PDE8B: variants seen among roughly 807,000 people sequenced by gnomAD.
PDE8B encodes the protein high affinity cAMP-specific and IBMX-insensitive 3',5'-cyclic phosphodiesterase 8B.
Under a neutral mutation model 101.3 loss-of-function variants are expected in PDE8B, and 26 were observed. That is an observed-to-expected ratio of 0.26 (90% CI 0.19 to 0.36). PDE8B has a LOEUF of 0.36. Among genes scored for constraint, PDE8B ranks in the 10% least tolerant of loss-of-function variants. The pLI is 1.00. For missense variants in PDE8B, 810 were observed against 1,163.1 expected (o/e 0.70, Z 4.42); for synonymous variants, 424 against 429.3 (o/e 0.99, Z 0.15).
chr5:77,403,058 A>G (rs1236148954), intron 11 of PDE8B, among the ~76,000 whole-genome samples: 4 of 152,196 alleles, frequency 2.6e-5, no homozygotes, highest in Non-Finnish European at 4.4e-5. Context: ...TGTTATGGTT[A>G]AATTTCTCTA....
intron 1 of PDE8B, among the ~76,000 whole-genome samples, chr5:77,214,747 A>G (rs1005359593): frequency 7.2e-5 from 11 of 152,186 alleles, no homozygotes; most frequent in Admixed American, 1.3e-4. Context: ...GTCAAACTTT[A>G]CGCAAGAATC....
At chr5:77,315,008 A>AT (rs774937257) in intron 2 of PDE8B, among the ~76,000 whole-genome samples, 13 of 151,986 alleles carry the variant, frequency 8.6e-5, no homozygotes, top group East Asian at 3.9e-4. Flanking sequence ...TCTTCTCCTC[A>AT]TTTTTTAATT....
chr5:77,104,666 A>G, the PDE8B span: 1 of 152,156 alleles, frequency 6.6e-6, no homozygotes, highest in Non-Finnish European at 1.5e-5. Flanking sequence ...ATAAATTTCT[A>G]TTGTTTATAA....
rs759403083 is a variant in PDE8B, at chr5:77,257,641, C to T, written c.339+46377C>T. Among the ~76,000 whole-genome samples, 9 of 152,132 alleles carry T rather than the reference C, an allele frequency of 5.9e-5. No homozygotes were observed. In the East Asian group the frequency reaches 1.5e-3, roughly 26 times the overall value. On this transcript the variant is annotated intron_variant, in intron 1 of 21. Coordinates refer to ENST00000264917, the MANE Select transcript of PDE8B (RefSeq NM_003719.5). ...ACATTTATAGCCAGAGTTCTCAACA[C>T]CCTTTTCTTTTTTAAAAAATTTAAT...
chr5:77,414,710 G>A (rs1213206917), intron 17 of PDE8B, among the ~76,000 whole-genome samples: 2 of 151,870 alleles, frequency 1.3e-5, no homozygotes, highest in Admixed American at 6.6e-5. Context: ...GATTACAGGT[G>A]TGAGCCACTG....
the PDE8B span, among the ~76,000 whole-genome samples, chr5:77,205,318 G>A: frequency 6.6e-6 from 1 of 152,190 alleles, no homozygotes; most frequent in South Asian, 2.1e-4. Context: ...AAGAAGTGAT[G>A]CACCTATAGT....
At chr5:77,416,237 T>G (rs1051384393) in intron 17 of PDE8B, among the ~76,000 whole-genome samples, 1 of 152,210 alleles carries the variant, frequency 6.6e-6, no homozygotes, top group Non-Finnish European at 1.5e-5. Flanking sequence ...TTTCATCTAG[T>G]GCTATTTATG....
intron 10 of PDE8B, among the ~76,000 whole-genome samples, chr5:77,390,794 A>T (rs1789752983): frequency 6.6e-6 from 1 of 152,242 alleles, no homozygotes; most frequent in Non-Finnish European, 1.5e-5. Context: ...TGTAAACAGC[A>T]GCTTGACAGA....
chr5:77,424,469 G>C (rs991360779), intron 20 of PDE8B, among the ~76,000 whole-genome samples: 1 of 152,186 alleles, frequency 6.6e-6, no homozygotes, highest in African/African-American at 2.4e-5. Flanking sequence ...AATGAATGAT[G>C]ATGGCCTTAG....
At chr5:77,423,226 G>A (rs335642) in intron 20 of PDE8B, among the ~76,000 whole-genome samples, 40,606 of 152,094 alleles carry the variant, frequency 0.27, 6,122 homozygotes, top group Non-Finnish European at 0.35. Flanking sequence ...ATTCCATGGT[G>A]TATATGCACC....
chr5:77,364,303 C>A lies in PDE8B; in HGVS notation c.1167+10897C>A, dbSNP rs182438572. Among the ~76,000 whole-genome samples the A allele has an allele frequency of 1.2e-3, 184 of 152,284 alleles. 1 individual carries two copies. Among genetic ancestry groups the A allele is most frequent in the Non-Finnish European group, 2.4e-4 (16 of 68,026 alleles). On this transcript the variant is annotated intron_variant, in intron 10 of 21. Transcript: ENST00000264917. ...TGCACCTAAAACCCAGCCATTGTAC[C>A]ACCTGCTTCTTTGTCTATAGGACCC...
At chr5:77,338,432 A>G (rs1355782601) in intron 6 of PDE8B, among the ~76,000 whole-genome samples, 1 of 152,192 alleles carries the variant, frequency 6.6e-6, no homozygotes, top group Non-Finnish European at 1.5e-5. Flanking sequence ...TTAGGTAGAA[A>G]AGTATTAAAA....
At chr5:77,234,919 A>G (rs1754359989) in intron 1 of PDE8B, among the ~76,000 whole-genome samples, 2 of 152,322 alleles carry the variant, frequency 1.3e-5, no homozygotes, top group African/African-American at 2.4e-5. Context: ...GAGAGCATGC[A>G]CGCAAAGTGC....
chr5:77,345,172 A>C (rs1779923235), intron 7 of PDE8B, among the ~76,000 whole-genome samples: 1 of 152,160 alleles, frequency 6.6e-6, no homozygotes. Context: ...GGGTTTAAAA[A>C]AATTTTATTT....
chr5:77,263,109 T>C (rs1228964327), intron 1 of PDE8B, among the ~76,000 whole-genome samples: 1 of 152,000 alleles, frequency 6.6e-6, no homozygotes, highest in Non-Finnish European at 1.5e-5. Context: ...TTCACCAAAA[T>C]AGAAGGAAGA....
At chr5:77,396,173 A>G (rs1791017097) in intron 10 of PDE8B, among the ~76,000 whole-genome samples, 1 of 152,230 alleles carries the variant, frequency 6.6e-6, no homozygotes, top group South Asian at 2.1e-4. Flanking sequence ...AAAAGGGAAC[A>G]ATTCCTTCAC....
chr5:77,204,482 G>C, the PDE8B span, among the ~76,000 whole-genome samples: 237 of 151,950 alleles, frequency 1.6e-3, no homozygotes, highest in Non-Finnish European at 2.9e-3. Context: ...CAATGGATTT[G>C]TTTTCTAAAT....
Position 77,364,862 on chromosome 5 carries a change from C to G in PDE8B, c.1167+11456C>G, listed in dbSNP as rs1011839250. Among the ~76,000 whole-genome samples the G allele has an allele frequency of 2.0e-5, 3 of 152,112 alleles. No homozygotes were observed. In the South Asian group the frequency reaches 6.2e-4, roughly 32 times the overall value. On this transcript the variant is annotated intron_variant, in intron 10 of 21. Transcript: ENST00000264917. ...ACGATGAAGAGAAAGCACGGGGGAG[C>G]CTGCTCTCAAGCTGCTTTGGGTCTA... is the stretch of plus-strand genomic sequence containing the variant.
the PDE8B span, chr5:77,118,705 C>T: frequency 4.3e-6 from 1 of 232,256 alleles, no homozygotes; most frequent in African/African-American, 2.3e-5. Flanking sequence ...TGCATGTGGT[C>T]AGTGTAGAAT....
Sources: gnomAD v4.1 joint callset for allele counts (sites outside exome capture counted in the v4.1 genomes callset) on GRCh38, gnomAD v4.1.1 for gene constraint, MANE v1.5 for transcripts, NCBI Gene and HGNC (gene_info 2026-07-23, HGNC 2026-07-21) for gene names.